The following FAXC variants were observed in gnomAD, a reference collection of about 807,000 sequenced individuals.
FAXC encodes the protein failed axon connections homolog, metaxin like GST domain containing.
Under a neutral mutation model 41.9 loss-of-function variants are expected in FAXC, and 10 were observed. The ratio of observed to expected loss-of-function variants is 0.24; its 90% CI spans 0.15 to 0.41. The LOEUF (loss-of-function observed/expected upper bound fraction) is 0.41, where lower values mean the gene tolerates loss of function less well. Ranked by LOEUF, FAXC falls within the 10% of genes least tolerant of loss-of-function variation. The pLI, the probability that FAXC is intolerant of heterozygous loss-of-function variation, is 1.00. For synonymous variants in FAXC, 183 were observed against 183.8 expected, an observed-to-expected ratio of 1.00 and a Z score of 0.03; for missense variants, 399 against 510.9, an observed-to-expected ratio of 0.78 and a Z score of 2.11.
rs544069506 is a variant in FAXC at position 99,280,125 on chromosome 6, G to A, written c.*1039C>T. The A allele has an allele frequency of 6.6e-6, 1 of 152,268 alleles. No individual in the cohort carries two copies. Among genetic ancestry groups the A allele is most frequent in the East Asian group, 1.9e-4 (1 of 5,190 alleles). 9.4% of individuals were successfully genotyped at this position (152,268 alleles called of 1,614,324 possible). ...CTGGAGTCAACACAGAACATGCCAG[G>A]GTGAGTTCAGGCAATGAAAGAACCA... On this transcript the variant is annotated 3_prime_UTR_variant, in exon 6 of 6. Coordinates refer to ENST00000389677, the MANE Select transcript of FAXC (RefSeq NM_032511.4).
chr6:99,319,629 T>C (rs1772519715), intron 4 of FAXC, among the ~76,000 whole-genome samples: 1 of 152,198 alleles, frequency 6.6e-6, no homozygotes, highest in Non-Finnish European at 1.5e-5. Flanking sequence ...TCAAGAGGCT[T>C]GCCCAAGGCC....
chr6:99,288,093 A>C (rs993481158), intron 5 of FAXC, among the ~76,000 whole-genome samples: 1 of 152,212 alleles, frequency 6.6e-6, no homozygotes, highest in Admixed American at 6.5e-5. Flanking sequence ...AAGAACACTA[A>C]ATGCCTCAAG....
At chr6:99,291,940 C>T in intron 4 of FAXC, 120 bp from the exon 5 acceptor site, 2 of 753,628 alleles carry the variant, frequency 2.7e-6, no homozygotes, top group South Asian at 1.6e-5. Flanking sequence ...TTTGCAGAAT[C>T]GAAATACATG....
intron 5 of FAXC, among the ~76,000 whole-genome samples, chr6:99,281,878 G>C (rs1019552469): frequency 1.3e-5 from 2 of 152,200 alleles, no homozygotes; most frequent in African/African-American, 4.8e-5. Context: ...CAAGTTTATG[G>C]CATTTTGCAA....
At chr6:99,307,897 C>G (rs1186873630) in intron 4 of FAXC, among the ~76,000 whole-genome samples, 7 of 151,898 alleles carry the variant, frequency 4.6e-5, no homozygotes, top group Admixed American at 4.6e-4. Flanking sequence ...ACATCAGAGA[C>G]AACGCTGTGA....
At chr6:99,349,001 C>G in intron 1 of FAXC, 106 bp downstream of exon 1, 2 of 1,127,600 alleles carry the variant, frequency 1.8e-6, no homozygotes, top group Non-Finnish European at 2.5e-6. Flanking sequence ...GCTTGGGCAT[C>G]TGGGCAGCTT....
intron 4 of FAXC, among the ~76,000 whole-genome samples, chr6:99,293,652 A>G (rs1771333162): frequency 7.5e-6 from 1 of 133,258 alleles, no homozygotes; most frequent in Non-Finnish European, 1.6e-5. Context: ...TTTTCCCATA[A>G]TGCTCTATAC....
In FAXC at chr6:99,306,299, A is replaced by G. The variant is rs62423990; in HGVS notation, c.824-14479T>C. On this transcript the variant is annotated intron_variant, in intron 4 of 5. Transcript: ENST00000389677. Reference sequence around the variant, plus strand: ...AATGAGACTGGAGAGGTCAGGCAGTACAGGGCTTTGAAAGCCCAGTGGAAA... The same window carrying G: ...AATGAGACTGGAGAGGTCAGGCAGTGCAGGGCTTTGAAAGCCCAGTGGAAA... Among the ~76,000 whole-genome samples, 926 of 152,302 alleles carry G rather than the reference A, an allele frequency of 6.1e-3. 8 individuals are homozygous for G. Among genetic ancestry groups the G allele is most frequent in the Middle Eastern group, 0.031 (9 of 294 alleles).
intron 4 of FAXC, among the ~76,000 whole-genome samples, chr6:99,307,755 C>T (rs118019988): frequency 0.014 from 2,068 of 152,120 alleles, 18 homozygotes; most frequent in Non-Finnish European, 0.022. Context: ...AGGTGCTGGA[C>T]AAAAGGTTCA....
intron 3 of FAXC, among the ~76,000 whole-genome samples, chr6:99,326,100 C>CAGGACAGGCCTG (rs1389934191): frequency 6.6e-6 from 1 of 152,224 alleles, no homozygotes; most frequent in African/African-American, 2.4e-5. Flanking sequence ...AGGGCACAAT[C>CAGGACAGGCCTG]AGGACAGGCC....
intron 5 of FAXC, among the ~76,000 whole-genome samples, chr6:99,290,403 TA>T (rs1771194389): frequency 6.6e-6 from 1 of 152,086 alleles, no homozygotes; most frequent in Non-Finnish European, 1.5e-5. Flanking sequence ...AAAATTAACA[TA>T]AATAATACTT....
intron 4 of FAXC, among the ~76,000 whole-genome samples, chr6:99,316,577 G>A (rs149778453): frequency 4.9e-4 from 75 of 152,232 alleles, no homozygotes; most frequent in African/African-American, 1.5e-3. Context: ...CTCAACACAT[G>A]CCTGTCTCTG....
intron 2 of FAXC, among the ~76,000 whole-genome samples, chr6:99,339,484 T>C (rs1231587162): frequency 6.6e-6 from 1 of 152,098 alleles, no homozygotes; most frequent in Non-Finnish European, 1.5e-5. Flanking sequence ...AATAACTAGA[T>C]AAGTACCACT....
At chr6:99,316,162 C>G (rs1772342060) in intron 4 of FAXC, among the ~76,000 whole-genome samples, 1 of 151,520 alleles carries the variant, frequency 6.6e-6, no homozygotes, top group Non-Finnish European at 1.5e-5. Context: ...CACTCGCCCC[C>G]CCCCACCCAC....
chr6:99,273,837 AT>A lies in FAXC; in HGVS notation c.*7326del, dbSNP rs1770500389. ...ATGTCTATGTTTGCTATGGTTTTTA[AT>A]GTTTACATCAGTAAAACAGTATATA... On this transcript the variant is annotated 3_prime_UTR_variant, in exon 6 of 6. Transcript: ENST00000389677. The A allele has an allele frequency of 6.6e-6, 1 of 152,120 alleles. No homozygotes were observed. Among genetic ancestry groups the A allele is most frequent in the Admixed American group, 6.6e-5 (1 of 15,266 alleles). The allele number at this position is 152,120 out of a possible 1,614,324, so 9.4% of individuals were successfully genotyped here. A position where few individuals can be genotyped will look rare whatever the true frequency, so the allele number is the denominator to read the frequency against.
At chr6:99,295,007 C>T (rs748592539) in intron 4 of FAXC, among the ~76,000 whole-genome samples, 1 of 152,174 alleles carries the variant, frequency 6.6e-6, no homozygotes, top group East Asian at 1.9e-4. Context: ...CAATGTGCCA[C>T]ATGGACCTTA....
intron 3 of FAXC, among the ~76,000 whole-genome samples, chr6:99,328,617 C>G (rs1219393973): frequency 6.6e-6 from 1 of 152,202 alleles, no homozygotes; most frequent in Non-Finnish European, 1.5e-5. Context: ...CTCCCTCTGC[C>G]TAGACATCCT....
At chr6:99,283,670 A>G (rs565366927) in intron 5 of FAXC, among the ~76,000 whole-genome samples, 1 of 152,360 alleles carries the variant, frequency 6.6e-6, no homozygotes, top group Non-Finnish European at 1.5e-5. Flanking sequence ...TTATGGGGAC[A>G]GTCATGAAAC....
chr6:99,294,347 G>A lies in FAXC; in HGVS notation c.824-2527C>T, dbSNP rs181401178. On this transcript the variant is annotated intron_variant, in intron 4 of 5. Transcript: ENST00000389677. ...GCACCCCTGCTGGCATTAAGTGAAC[G>A]CAGGCAGGCAGAGGGAAACTGCACA... is the stretch of plus-strand genomic sequence containing the variant. Among the ~76,000 whole-genome samples, 9 of 152,316 alleles carry A rather than the reference G, an allele frequency of 5.9e-5. No homozygotes were observed. In the South Asian group the frequency reaches 1.2e-3, roughly 21 times the overall value.
Sources: allele counts gnomAD v4.1 joint callset (sites outside exome capture counted in the v4.1 genomes callset), GRCh38; gene constraint gnomAD v4.1.1; transcripts MANE v1.5; gene names NCBI Gene and HGNC (gene_info 2026-07-23, HGNC 2026-07-21).